TG: variants seen among roughly 807,000 people sequenced by gnomAD.
TG encodes the protein thyroid hormones.
A neutral mutation model predicts 324.7 loss-of-function variants in TG; 270 were observed. That is an observed-to-expected ratio of 0.83 (90% confidence interval 0.75 to 0.92). The LOEUF (loss-of-function observed/expected upper bound fraction) is 0.92. Ranked by LOEUF, TG falls within the 40% of genes least tolerant of loss-of-function variation. TG has a pLI of 0.00. For synonymous variants in TG, 1,401 were observed against 1,327.0 expected (o/e 1.06, Z -1.21); for missense variants, 3,591 against 3,456.4 (o/e 1.04, Z -0.98).
intron 18 of TG, among the ~76,000 whole-genome samples, chr8:132,909,140 G>A (rs1377540765): frequency 6.6e-6 from 1 of 152,160 alleles, no homozygotes; most frequent in Non-Finnish European, 1.5e-5. Context: ...GATGATGGGA[G>A]TTTTACAGTC....
intron 34 of TG, among the ~76,000 whole-genome samples, chr8:132,976,849 G>A (rs1830236082): frequency 6.8e-6 from 1 of 146,280 alleles, no homozygotes; most frequent in Non-Finnish European, 1.6e-5. Context: ...TCTCCCTTAA[G>A]TTGTCTTCAT....
intron 41 of TG, among the ~76,000 whole-genome samples, chr8:133,065,481 G>C (rs1842911426): frequency 6.6e-6 from 1 of 152,180 alleles, no homozygotes; most frequent in Non-Finnish European, 1.5e-5. Flanking sequence ...AAGTTATCAG[G>C]CCGGGCGCGG....
chr8:132,952,955 C>T (rs540085170), intron 27 of TG, among the ~76,000 whole-genome samples: 15 of 152,322 alleles, frequency 9.8e-5, no homozygotes, highest in Non-Finnish European at 1.3e-4. Context: ...TTCCACCATC[C>T]TATGTGCAAT....
chr8:132,953,735 G>GTT (rs1826440458), intron 27 of TG, among the ~76,000 whole-genome samples: 2 of 152,158 alleles, frequency 1.3e-5, no homozygotes, highest in Non-Finnish European at 2.9e-5. Flanking sequence ...ATGAGATTTT[G>GTT]CTTCACTTGG....
intron 41 of TG, among the ~76,000 whole-genome samples, chr8:133,067,865 A>AAG: frequency 1.9e-5 from 1 of 53,632 alleles, no homozygotes; most frequent in Non-Finnish European, 3.4e-5. Flanking sequence ...AAAGAAAGAA[A>AAG]GAAAGGAAGG....
intron 41 of TG, among the ~76,000 whole-genome samples, chr8:133,070,602 T>G (rs1199446881): frequency 6.6e-6 from 1 of 152,220 alleles, no homozygotes; most frequent in African/African-American, 2.4e-5. Context: ...AGTAATTTGC[T>G]CAGAGTTACA....
rs373580580 is a variant in TG at position 132,906,831 on chromosome 8, G to T, written c.3778G>T (p.Gly1260Trp). Residue 1260 changes from glycine to tryptophan, a missense_variant, in exon 17 of 48, where the codon GGG (glycine) becomes TGG (tryptophan). Gly to Trp is a radical substitution (Grantham distance 184). Transcript: ENST00000220616. ...RQGSWSVFPP[G>W]PLICSLESGR... ...GGGCTCCTGGAGCGTGTTTCCACCA[G>T]GGCCATTGATATGTAGCCTGGAGAG... 6.2e-7 allele frequency: 1 copy of T among 1,614,072 alleles called. No individual in the cohort carries two copies. The highest frequency in any genetic ancestry group is 1.3e-5 in the African/African-American group (1 of 74,954).
intron 26 of TG, among the ~76,000 whole-genome samples, chr8:132,942,076 A>G (rs909361): frequency 0.52 from 78,991 of 152,022 alleles, 21,915 homozygotes; most frequent in Non-Finnish European, 0.61. Flanking sequence ...TATCTCAGCA[A>G]TGGAGGTGCC....
At chr8:133,071,498 T>G (rs533129148) in intron 41 of TG, among the ~76,000 whole-genome samples, 1 of 152,298 alleles carries the variant, frequency 6.6e-6, no homozygotes, top group South Asian at 2.1e-4. Context: ...TTGTCATAGT[T>G]ATTCAGTAGG....
At chr8:133,045,147 C>T in intron 41 of TG, 1 of 1,612,608 alleles carries the variant, frequency 6.2e-7, no homozygotes. Context: ...TCAGTGGGCT[C>T]CACCTGTCCT....
rs1826148675 is a variant in TG, at chr8:132,951,857, T to C, written c.5401+2914T>C. ...GGAGTGTAATAATTTAAATTCTAAC[T>C]ACAGCGTGAAGAACTGATAGATACC... On this transcript the variant is annotated intron_variant, in intron 27 of 47. Transcript: ENST00000220616. Among the ~76,000 whole-genome samples the C allele has an allele frequency of 2.6e-5, 4 of 152,150 alleles. No homozygotes were observed. The South Asian group carries it at 8.3e-4, about 32-fold the overall frequency.
intron 26 of TG, among the ~76,000 whole-genome samples, chr8:132,947,793 A>G (rs1825534944): frequency 6.6e-6 from 1 of 152,238 alleles, no homozygotes; most frequent in Admixed American, 6.5e-5. Flanking sequence ...TGGAGATAAT[A>G]ATGTCTATAA....
chr8:132,983,070 T>C (rs1314484001), intron 34 of TG, among the ~76,000 whole-genome samples: 2 of 152,138 alleles, frequency 1.3e-5, no homozygotes, highest in African/African-American at 2.4e-5. Context: ...TTCAGCTTGG[T>C]CCTTGAGAGA....
At chr8:132,925,642 G>GAA (rs1180731114) in intron 22 of TG, among the ~76,000 whole-genome samples, 2 of 151,956 alleles carry the variant, frequency 1.3e-5, no homozygotes, top group Non-Finnish European at 2.9e-5. Context: ...AGTACAGCAG[G>GAA]AAAGTGCTTT....
chr8:132,995,084 C>A (rs972152676), intron 35 of TG: 4 of 965,166 alleles, frequency 4.1e-6, no homozygotes, highest in Non-Finnish European at 4.8e-6. Flanking sequence ...AGGAGCCAGG[C>A]AAAAGCAGAA....
chr8:133,020,782 T>C (rs1256130424), intron 39 of TG, among the ~76,000 whole-genome samples: 5 of 152,194 alleles, frequency 3.3e-5, no homozygotes, highest in Admixed American at 6.5e-5. Flanking sequence ...ATGTTCACCA[T>C]AGCTTCTACC....
At chr8:132,937,312 A>C (rs919272249) in intron 25 of TG, among the ~76,000 whole-genome samples, 6 of 152,328 alleles carry the variant, frequency 3.9e-5, no homozygotes, top group African/African-American at 1.2e-4. Flanking sequence ...AGACGATGCC[A>C]CAGCCCAGGC....
chr8:132,969,705 G>A, intron 32 of TG, 136 bp downstream of exon 32: 1 of 701,060 alleles, frequency 1.4e-6, no homozygotes, highest in Non-Finnish European at 2.6e-6. Flanking sequence ...GAGGTCAAGA[G>A]ATCAAGACTA....
At chr8:133,026,181 C>T (rs1836055019) in intron 40 of TG, among the ~76,000 whole-genome samples, 1 of 152,186 alleles carries the variant, frequency 6.6e-6, no homozygotes, top group African/African-American at 2.4e-5. Context: ...GCTGAGCAGC[C>T]CCTCGTGAGC....
Sources: allele counts gnomAD v4.1 joint callset (sites outside exome capture counted in the v4.1 genomes callset), GRCh38; gene constraint gnomAD v4.1.1; transcripts MANE v1.5; gene names NCBI Gene and HGNC (gene_info 2026-07-23, HGNC 2026-07-21).